The following PXDNL variants were observed in gnomAD, a reference collection of about 807,000 sequenced individuals.
PXDNL encodes the protein probable oxidoreductase PXDNL.
Under a neutral mutation model 150.8 loss-of-function variants are expected in PXDNL, and 145 were observed. The observed-to-expected ratio is 0.96, with a 90% CI of 0.84 to 1.10. The LOEUF (loss-of-function observed/expected upper bound fraction) is 1.10, where lower values mean the gene tolerates loss of function less well. Among genes scored for constraint, PXDNL ranks in the 50% least tolerant of loss-of-function variants. The pLI, the probability that PXDNL is intolerant of heterozygous loss-of-function variation, is 0.00. For missense variants in PXDNL, 2,087 were observed against 1,873.9 expected, an observed-to-expected ratio of 1.11 and a Z score of -2.10; for synonymous variants, 757 against 725.7, an observed-to-expected ratio of 1.04 and a Z score of -0.69.
intron 10 of PXDNL, among the ~76,000 whole-genome samples, chr8:51,451,391 G>A (rs1391241621): frequency 2.0e-5 from 3 of 152,186 alleles, no homozygotes; most frequent in African/African-American, 7.2e-5. Context: ...AGAGAAGGTG[G>A]AATAATTAGA....
At chr8:51,656,691 T>C (rs1209497091) in intron 1 of PXDNL, among the ~76,000 whole-genome samples, 1 of 152,176 alleles carries the variant, frequency 6.6e-6, no homozygotes, top group Admixed American at 6.5e-5. Flanking sequence ...AAAGTACAAA[T>C]GAGAAAATAA....
chr8:51,447,179 A>C lies in PXDNL; in HGVS notation c.1367-17T>G. 6.2e-7 allele frequency: 1 copy of C among 1,612,150 alleles called. No individual in the cohort carries two copies. Among genetic ancestry groups the C allele is most frequent in the South Asian group, 1.1e-5 (1 of 90,834 alleles). On this transcript the variant is annotated splice_polypyrimidine_tract_variant and intron_variant, in intron 11 of 22. Coordinates refer to ENST00000356297, the MANE Select transcript of PXDNL (RefSeq NM_144651.5). ...GCTGCCCTCCTGCAAAAAGAGGTAA[A>C]GAAAGTATTCTTCATGGCCCAGAGC...
At chr8:51,378,722 A>G (rs1182523253) in intron 17 of PXDNL, among the ~76,000 whole-genome samples, 2 of 149,392 alleles carry the variant, frequency 1.3e-5, no homozygotes, top group African/African-American at 5.1e-5. Flanking sequence ...TCCCACTGGG[A>G]CAGGACGGGA....
Position 51,523,469 on chromosome 8 carries a change from A to G in PXDNL, c.381-23699T>C, listed in dbSNP as rs1811702886. Among the ~76,000 whole-genome samples, 3 of 152,232 alleles carry G rather than the reference A, an allele frequency of 2.0e-5. No individual in the cohort carries two copies. In the South Asian group the frequency reaches 6.2e-4, roughly 32 times the overall value. ...TCTAATTGTGTTCTGCTACTAACTT[A>G]TCTTGTGATTTTGAGAAATTCAGTT... On this transcript the variant is annotated intron_variant, in intron 4 of 22. Transcript: ENST00000356297.
intron 1 of PXDNL, among the ~76,000 whole-genome samples, chr8:51,658,700 T>C (rs778982294): frequency 6.6e-6 from 1 of 152,256 alleles, no homozygotes; most frequent in Non-Finnish European, 1.5e-5. Flanking sequence ...ATAATGATAC[T>C]GTGTAAGTAT....
chr8:51,506,540 CAAAAAA>C (rs11312240), intron 4 of PXDNL, among the ~76,000 whole-genome samples: 2 of 67,488 alleles, frequency 3.0e-5, no homozygotes, highest in South Asian at 8.4e-4. Context: ...GACTCTGTCT[CAAAAAA>C]AAAAAAAAAA....
intron 1 of PXDNL, among the ~76,000 whole-genome samples, chr8:51,673,302 T>C (rs7845169): frequency 0.59 from 89,815 of 152,026 alleles, 29,812 homozygotes; most frequent in Non-Finnish European, 0.74. Context: ...TAGGAAAACC[T>C]ATAAGAAAAG....
At chr8:51,708,078 T>C (rs1184921275) in intron 1 of PXDNL, among the ~76,000 whole-genome samples, 1 of 152,210 alleles carries the variant, frequency 6.6e-6, no homozygotes, top group African/African-American at 2.4e-5. Flanking sequence ...ATTCATTAAA[T>C]CAATAAATAT....
intron 16 of PXDNL, 45 bp from the exon 17 acceptor site, chr8:51,409,606 G>C (rs771927800): frequency 2.7e-6 from 4 of 1,485,018 alleles, no homozygotes; most frequent in African/African-American, 2.8e-5. Flanking sequence ...GGGCCTGGGA[G>C]GGCGCGGGCA....
intron 1 of PXDNL, among the ~76,000 whole-genome samples, chr8:51,733,740 G>A (rs1301963484): frequency 6.6e-6 from 1 of 150,602 alleles, no homozygotes; most frequent in African/African-American, 2.4e-5. Context: ...CCCAGGAGGT[G>A]GAGGTTACGG....
chr8:51,639,497 G>A (rs1173412762), intron 2 of PXDNL, among the ~76,000 whole-genome samples: 4 of 151,852 alleles, frequency 2.6e-5, no homozygotes, highest in East Asian at 1.9e-4. Flanking sequence ...TCAAATAGAC[G>A]CATTAAAAAA....
At chr8:51,747,301 T>C (rs140378832) in intron 1 of PXDNL, among the ~76,000 whole-genome samples, 4 of 152,326 alleles carry the variant, frequency 2.6e-5, no homozygotes, top group Non-Finnish European at 4.4e-5. Flanking sequence ...TTCTTTTTAA[T>C]TGTCAATGTT....
intron 1 of PXDNL, among the ~76,000 whole-genome samples, chr8:51,726,345 G>C (rs971492535): frequency 6.6e-6 from 1 of 152,170 alleles, no homozygotes; most frequent in African/African-American, 2.4e-5. Context: ...CATACTTCTG[G>C]ATCCTCTAGC....
chr8:51,556,958 C>A (rs761365725), intron 3 of PXDNL, 47 bp from the exon 4 acceptor site: 1 of 1,122,748 alleles, frequency 8.9e-7, no homozygotes, highest in Non-Finnish European at 1.3e-6. Flanking sequence ...AGTAGAGATA[C>A]CACATGTCTT....
intron 1 of PXDNL, among the ~76,000 whole-genome samples, chr8:51,794,442 G>A (rs1476795638): frequency 6.6e-6 from 1 of 152,056 alleles, no homozygotes; most frequent in East Asian, 1.9e-4. Context: ...ATGAAGGGAA[G>A]CCCATCAAAC....
At chr8:51,399,384 A>G (rs1309065346) in intron 17 of PXDNL, among the ~76,000 whole-genome samples, 1 of 152,240 alleles carries the variant, frequency 6.6e-6, no homozygotes, top group Non-Finnish European at 1.5e-5. Flanking sequence ...CATACAAACA[A>G]TACCACTCAC....
chr8:51,415,084 T>G (rs1178954302), intron 14 of PXDNL, among the ~76,000 whole-genome samples: 2 of 152,162 alleles, frequency 1.3e-5, no homozygotes, highest in Non-Finnish European at 2.9e-5. Flanking sequence ...AGTTGTTACT[T>G]TGTAATATTG....
In PXDNL at chr8:51,372,049, G is replaced by A. The variant is rs201097388; in HGVS notation, c.3725C>T (p.Pro1242Leu). 3.5e-4 allele frequency: 556 copies of A among 1,603,130 alleles called. No homozygotes were observed. Among genetic ancestry groups the A allele is most frequent in the African/African-American group, 6.8e-4 (51 of 74,788 alleles). ...CTGCTTCAGCTGAGTGAGTTGTGCC[G>A]GGGTAAATACTCCAGGGTTTTCATA... ...FWYENPGVFTPAQLTQLKQAS... is the reference protein window; with the variant it reads ...FWYENPGVFTLAQLTQLKQAS... The change falls in exon 19 of 23, where the codon CCG (proline) becomes CTG (leucine). Residue 1242 changes from proline (P) to leucine (L), a missense_variant. Coordinates refer to ENST00000356297, the MANE Select transcript of PXDNL (RefSeq NM_144651.5).
intron 3 of PXDNL, among the ~76,000 whole-genome samples, chr8:51,567,193 T>C (rs939020618): frequency 6.6e-6 from 1 of 151,824 alleles, no homozygotes; most frequent in Non-Finnish European, 1.5e-5. Flanking sequence ...GTATGGCATA[T>C]AATATGGTCC....
Sources: gnomAD v4.1 joint callset for allele counts (sites outside exome capture counted in the v4.1 genomes callset) on GRCh38, gnomAD v4.1.1 for gene constraint, MANE v1.5 for transcripts, NCBI Gene and HGNC (gene_info 2026-07-23, HGNC 2026-07-21) for gene names.